KDM2A: variants seen among roughly 807,000 people sequenced by gnomAD.
KDM2A encodes lysine demethylase 2A.
KDM2A carries 3 observed loss-of-function variants against 137.3 expected under a neutral mutation model. The observed-to-expected ratio is 0.02, with a 90% CI of 0.01 to 0.06. KDM2A has a LOEUF of 0.06. Ranked by LOEUF, KDM2A falls within the 10% of genes least tolerant of loss-of-function variation. The probability of loss-of-function intolerance (pLI) is 1.00; values close to 1 mark genes in which losing one functional copy is unlikely to be tolerated. For synonymous variants in KDM2A, 512 were observed against 541.5 expected (o/e 0.95, Z 0.76); for missense variants, 738 against 1,510.6 (o/e 0.49, Z 8.48).
chr11:67,120,071 CT>C lies in KDM2A; in HGVS notation c.-84+23del, dbSNP rs201622499. On this transcript the variant is annotated intron_variant, in intron 1 of 20. Coordinates refer to ENST00000529006, the MANE Select transcript of KDM2A (RefSeq NM_012308.3). ...TCCGGTGAGTTTCCCCCTCCCCCCC[CT>C]CATTTGGAAGTTTGGTTGACTGTGT... 1.2e-3 allele frequency: 180 copies of C among 152,566 alleles called. 1 individual carries two copies. The highest frequency in any genetic ancestry group is 4.6e-3 in the South Asian group (22 of 4,830). 9.5% of individuals were successfully genotyped at this position (152,566 alleles called of 1,614,324 possible). A position where few individuals can be genotyped will look rare whatever the true frequency, so the allele number is the denominator to read the frequency against.
chr11:67,193,543 C>T (rs1448442961), intron 5 of KDM2A, among the ~76,000 whole-genome samples: 2 of 152,068 alleles, frequency 1.3e-5, no homozygotes, highest in Non-Finnish European at 2.9e-5. Context: ...TTGTTGGAGA[C>T]AGTATTATTT....
At chr11:67,247,065 ATATATATTTTTTTTTT>A (rs1859257917) in intron 15 of KDM2A, among the ~76,000 whole-genome samples, 2 of 27,580 alleles carry the variant, frequency 7.3e-5, no homozygotes, top group East Asian at 7.9e-4. Flanking sequence ...ATATATATAT[ATATATATTTTTTTTTT>A]TTTTTTTTTT....
At chr11:67,229,688 G>T (rs1858650360) in intron 11 of KDM2A, among the ~76,000 whole-genome samples, 1 of 151,686 alleles carries the variant, frequency 6.6e-6, no homozygotes, top group African/African-American at 2.4e-5. Context: ...GGCCAATATG[G>T]TGAAACCCTG....
chr11:67,166,939 G>T (rs944795528), intron 2 of KDM2A, among the ~76,000 whole-genome samples: 2 of 151,850 alleles, frequency 1.3e-5, no homozygotes, highest in East Asian at 1.9e-4. Context: ...TTAGCCAGGC[G>T]TGGTGGTGCA....
chr11:67,203,631 G>A (rs982816110), intron 5 of KDM2A, among the ~76,000 whole-genome samples: 1 of 151,308 alleles, frequency 6.6e-6, no homozygotes, highest in Non-Finnish European at 1.5e-5. Context: ...GGCATGCACT[G>A]TAGTCCCAGC....
intron 2 of KDM2A, among the ~76,000 whole-genome samples, chr11:67,167,505 C>G (rs1856773035): frequency 6.6e-6 from 1 of 151,992 alleles, no homozygotes; most frequent in African/African-American, 2.4e-5. Flanking sequence ...CTATTTGACA[C>G]TAGTTCTTGG....
At chr11:67,199,522 T>C (rs1857565366) in intron 5 of KDM2A, among the ~76,000 whole-genome samples, 1 of 152,138 alleles carries the variant, frequency 6.6e-6, no homozygotes, top group Non-Finnish European at 1.5e-5. Flanking sequence ...AAAGTCTGAG[T>C]GGTTTGGATA....
intron 5 of KDM2A, among the ~76,000 whole-genome samples, chr11:67,195,067 A>G (rs1257080009): frequency 6.6e-6 from 1 of 152,184 alleles, no homozygotes; most frequent in East Asian, 1.9e-4. Context: ...ACCTAGACAG[A>G]GGCAATAACC....
chr11:67,247,715 A>G (rs1216545205), intron 15 of KDM2A, among the ~76,000 whole-genome samples: 1 of 152,144 alleles, frequency 6.6e-6, no homozygotes, highest in Non-Finnish European at 1.5e-5. Context: ...GTGAGCCACC[A>G]TGCCCGGCCA....
At chr11:67,167,088 TA>T (rs543866281) in intron 2 of KDM2A, among the ~76,000 whole-genome samples, 33 of 152,192 alleles carry the variant, frequency 2.2e-4, no homozygotes, top group Non-Finnish European at 4.0e-4. Context: ...AAAAAAAAAT[TA>T]AAAAGTTTAA....
intron 2 of KDM2A, among the ~76,000 whole-genome samples, chr11:67,165,469 C>T (rs1856718808): frequency 6.6e-6 from 1 of 152,112 alleles, no homozygotes; most frequent in Non-Finnish European, 1.5e-5. Context: ...AAAGCTTCTA[C>T]TCCTAGATGT....
Position 67,255,547 on chromosome 11 carries a change from G to A in KDM2A, c.*492G>A. 2.2e-6 allele frequency: 1 copy of A among 456,880 alleles called. No individual in the cohort carries two copies. The highest frequency in any genetic ancestry group is 2.0e-5 in the African/African-American group (1 of 50,206). 28.3% of individuals were successfully genotyped at this position (456,880 alleles called of 1,614,324 possible). ...CTCCCGGCTTGCGCAGGAGGGGCCA[G>A]CAGCCCCAGGAGTCCCAGACCCGTG... is the stretch of plus-strand genomic sequence containing the variant. On this transcript the variant is annotated 3_prime_UTR_variant, in exon 21 of 21. Transcript: ENST00000529006.
At chr11:67,184,443 C>T (rs990302417) in intron 5 of KDM2A, among the ~76,000 whole-genome samples, 35 of 152,152 alleles carry the variant, frequency 2.3e-4, no homozygotes, top group African/African-American at 8.4e-4. Context: ...GCCTGACCAA[C>T]ATGGTGAAAC....
At chr11:67,228,410 A>G (rs956372192) in intron 11 of KDM2A, among the ~76,000 whole-genome samples, 2 of 152,164 alleles carry the variant, frequency 1.3e-5, no homozygotes, top group African/African-American at 4.8e-5. Flanking sequence ...AGGATGATCA[A>G]GCCGGACACG....
intron 2 of KDM2A, among the ~76,000 whole-genome samples, chr11:67,131,311 C>T (rs574959272): frequency 2.6e-4 from 40 of 151,692 alleles, no homozygotes; most frequent in African/African-American, 6.5e-4. Flanking sequence ...GTGACAAGAG[C>T]GAAACTCCGT....
In KDM2A at chr11:67,250,745, C is replaced by G. The variant is rs778492079; in HGVS notation, c.2715C>G (p.Leu905=). Residue 905 remains leucine (L), a synonymous_variant, in exon 17 of 21, where the codon CTC becomes CTG. Coordinates refer to ENST00000529006, the MANE Select transcript of KDM2A (RefSeq NM_012308.3). The surrounding 1 kb of genome is among the most constrained non-coding windows in gnomAD (Gnocchi z 7.1). The part of the protein sequence containing the change: ...REVWMSVFRY[L]SRRELCECMR... ...TCTGGATGTCTGTCTTCCGCTACCT[C>G]AGCCGCAGAGAACTTTGTGAATGTA... The G allele has an allele frequency of 1.3e-6, 2 of 1,550,796 alleles. No homozygotes were observed. Among genetic ancestry groups the G allele is most frequent in the South Asian group, 2.5e-5 (2 of 80,446 alleles).
At chr11:67,251,141 C>T (rs1265172425) in intron 17 of KDM2A, among the ~76,000 whole-genome samples, 2 of 152,146 alleles carry the variant, frequency 1.3e-5, no homozygotes, top group Non-Finnish European at 1.5e-5. Flanking sequence ...CTGAACTCAT[C>T]ACATGTTGGT....
In KDM2A at chr11:67,132,271, C is replaced by G. The variant is rs76001637; in HGVS notation, c.42+10913C>G. ...CTTTGAAAGCCAAGTATGGACATAG[C>G]CATTAGAAGTTTTGTTTTTTTTGTT... On this transcript the variant is annotated intron_variant, in intron 2 of 20. Transcript: ENST00000529006. Among the ~76,000 whole-genome samples, 234 of 152,166 alleles carry G rather than the reference C, an allele frequency of 1.5e-3. 1 individual carries two copies. Among genetic ancestry groups the G allele is most frequent in the African/African-American group, 5.4e-3 (226 of 41,542 alleles).
At chr11:67,219,975 T>C (rs1057442341) in intron 10 of KDM2A, among the ~76,000 whole-genome samples, 1 of 152,154 alleles carries the variant, frequency 6.6e-6, no homozygotes, top group African/African-American at 2.4e-5. Flanking sequence ...ATTTTATTTT[T>C]TAGCCAACAC....
Sources: gnomAD v4.1 joint callset for allele counts (sites outside exome capture counted in the v4.1 genomes callset) on GRCh38, gnomAD v4.1.1 for gene constraint, Gnocchi (gnomAD v3.1) non-coding constraint, MANE v1.5 for transcripts, NCBI Gene and HGNC (gene_info 2026-07-23, HGNC 2026-07-21) for gene names.